ARSG: variants seen among roughly 807,000 people sequenced by gnomAD.
ARSG encodes the protein arylsulfatase G.
ARSG carries 37 observed loss-of-function variants against 50.5 expected under a neutral mutation model. The observed-to-expected ratio is 0.73, with a 90% CI of 0.56 to 0.96. The LOEUF (loss-of-function observed/expected upper bound fraction) is 0.96, where lower values mean the gene tolerates loss of function less well. ARSG is among the 50% of genes least tolerant of loss of function. The pLI, the probability that ARSG is intolerant of heterozygous loss-of-function variation, is 0.00. For synonymous variants in ARSG, 225 were observed against 254.6 expected (o/e 0.88, Z 1.11); for missense variants, 629 against 675.3 (o/e 0.93, Z 0.76).
the ARSG span, among the ~76,000 whole-genome samples, chr17:68,451,087 C>T: frequency 1.3e-5 from 2 of 152,214 alleles, no homozygotes; most frequent in African/African-American, 4.8e-5. Context: ...GGCTTTTTAC[C>T]CTCTCCCAGG....
intron 2 of ARSG, among the ~76,000 whole-genome samples, chr17:68,320,512 C>T (rs1181429162): frequency 6.6e-6 from 1 of 152,174 alleles, no homozygotes; most frequent in Admixed American, 6.5e-5. Context: ...GTGCTGGGAA[C>T]ACAGCTGTGA....
rs2079150500 is a variant in ARSG, at chr17:68,358,805, T to C, written c.704+2001T>C. Among the ~76,000 whole-genome samples, 3 of 152,118 alleles carry C rather than the reference T, an allele frequency of 2.0e-5. No individual in the cohort carries two copies. In the South Asian group the frequency reaches 6.2e-4, roughly 32 times the overall value. Reference sequence around the variant, plus strand: ...TCACTTGAGTCCAGGAGTTCAAGGCTGCAGTGAGCCATAATGGTGCCACCG... The same window carrying C: ...TCACTTGAGTCCAGGAGTTCAAGGCCGCAGTGAGCCATAATGGTGCCACCG... On this transcript the variant is annotated intron_variant, in intron 6 of 11. Transcript: ENST00000621439.
intron 2 of ARSG, among the ~76,000 whole-genome samples, chr17:68,337,430 A>G (rs1352785460): frequency 6.6e-6 from 1 of 152,060 alleles, no homozygotes; most frequent in Non-Finnish European, 1.5e-5. Flanking sequence ...AGATGTGGAC[A>G]AAAGAAGACA....
chr17:68,419,678 G>C (rs1471358440), intron 11 of ARSG, among the ~76,000 whole-genome samples: 1 of 152,086 alleles, frequency 6.6e-6, no homozygotes, highest in East Asian at 1.9e-4. Context: ...AATCATTTTA[G>C]TGTGGCTGCA....
At chr17:68,397,365 A>G (rs568205192) in intron 10 of ARSG, among the ~76,000 whole-genome samples, 1 of 152,292 alleles carries the variant, frequency 6.6e-6, no homozygotes, top group South Asian at 2.1e-4. Flanking sequence ...GGTATCTTCA[A>G]GGTTAAGAGC....
intron 1 of ARSG, chr17:68,267,490 C>T (rs1741958935): frequency 6.6e-6 from 1 of 152,158 alleles, no homozygotes; most frequent in African/African-American, 2.4e-5. Flanking sequence ...ATGAACTATG[C>T]CACTTTCATT....
intron 2 of ARSG, among the ~76,000 whole-genome samples, chr17:68,309,751 C>T (rs1180818061): frequency 6.6e-5 from 10 of 151,290 alleles, no homozygotes; most frequent in East Asian, 2.0e-4. Flanking sequence ...CCCAGCTACT[C>T]GGGAGGCTGA....
intron 2 of ARSG, among the ~76,000 whole-genome samples, chr17:68,315,696 G>A (rs898118799): frequency 2.0e-5 from 3 of 152,170 alleles, no homozygotes; most frequent in East Asian, 1.9e-4. Flanking sequence ...GCAGTGGCGC[G>A]ATCTTGGCTC....
intron 4 of ARSG, 103 bp from the exon 5 acceptor site, chr17:68,351,472 C>T: frequency 2.9e-6 from 2 of 694,836 alleles, no homozygotes; most frequent in East Asian, 2.6e-5. Flanking sequence ...TATAGCACTG[C>T]AGTATTAAAT....
At chr17:68,352,677 T>C (rs565275423) in intron 5 of ARSG, among the ~76,000 whole-genome samples, 5 of 152,172 alleles carry the variant, frequency 3.3e-5, no homozygotes, top group Admixed American at 2.0e-4. Flanking sequence ...ACCAGGCTAA[T>C]TTTTGTATTT....
At chr17:68,370,367 A>G (rs2094115930) in intron 7 of ARSG, 77 bp from the exon 8 acceptor site, 1 of 1,316,250 alleles carries the variant, frequency 7.6e-7, no homozygotes, top group South Asian at 1.2e-5. Context: ...TGCGCAAGGG[A>G]TATAGGGCCA....
chr17:68,307,483 C>T lies in ARSG; in HGVS notation c.-11C>T, dbSNP rs868952261. On this transcript the variant is annotated 5_prime_UTR_variant, in exon 2 of 12. Coordinates refer to ENST00000621439, the MANE Select transcript of ARSG (RefSeq NM_001267727.2). ...GTCGCTCCAGACAATCGGAATCCTG[C>T]CTTCACCACCATGGGCTGGCTTTTT... The T allele has an allele frequency of 1.7e-5, 28 of 1,607,916 alleles. No individual in the cohort carries two copies. The Middle Eastern group carries it at 4.1e-3, about 238-fold the overall frequency.
At chr17:68,422,600 A>G (rs1324317103), downstream of ARSG, 1 of 151,760 alleles carries the variant, frequency 6.6e-6, no homozygotes, top group East Asian at 1.9e-4. Flanking sequence ...GCATGGTAGC[A>G]TGCCTGAAAC....
chr17:68,391,716 C>T (rs2081000717), intron 9 of ARSG, among the ~76,000 whole-genome samples: 1 of 152,140 alleles, frequency 6.6e-6, no homozygotes, highest in Non-Finnish European at 1.5e-5. Context: ...CTTTGCTTTC[C>T]GGTATGTGGC....
At chr17:68,370,421 T>C in intron 7 of ARSG, 23 bp from the exon 8 acceptor site, 1 of 1,612,778 alleles carries the variant, frequency 6.2e-7, no homozygotes, top group Non-Finnish European at 8.5e-7. Context: ...CTGGTGACCA[T>C]TAATGCTTTT....
At chr17:68,388,312 G>C (rs936429362) in intron 9 of ARSG, among the ~76,000 whole-genome samples, 1 of 152,138 alleles carries the variant, frequency 6.6e-6, no homozygotes, top group South Asian at 2.1e-4. Flanking sequence ...TGTCCTGTGC[G>C]CTTTATAGGA....
intron 1 of ARSG, among the ~76,000 whole-genome samples, chr17:68,261,571 G>T (rs1568395142): frequency 2.0e-5 from 3 of 152,040 alleles, no homozygotes; most frequent in African/African-American, 7.3e-5. Flanking sequence ...GTAGAGAGGG[G>T]TTTTACCATG....
rs1403620199 is a variant in ARSG, at chr17:68,331,281, T to G, written c.219-12323T>G. ...TCTTTCTTTTTTTGAGACAGAGTCT[T>G]GCTCTGTCACCCAGACTGGAGTGTA... On this transcript the variant is annotated intron_variant, in intron 2 of 11. Transcript: ENST00000621439. Among the ~76,000 whole-genome samples, 3 of 145,348 alleles carry G rather than the reference T, an allele frequency of 2.1e-5. No individual in the cohort carries two copies. The Admixed American group carries it at 2.1e-4, about 10-fold the overall frequency.
intron 5 of ARSG, among the ~76,000 whole-genome samples, chr17:68,351,971 GC>G (rs1354532029): frequency 6.6e-6 from 1 of 152,076 alleles, no homozygotes; most frequent in African/African-American, 2.4e-5. Flanking sequence ...CACATGTGGG[GC>G]CTCCCTCCTC....
Sources: gnomAD v4.1 joint callset for allele counts (sites outside exome capture counted in the v4.1 genomes callset) on GRCh38, gnomAD v4.1.1 for gene constraint, MANE v1.5 for transcripts, NCBI Gene and HGNC (gene_info 2026-07-23, HGNC 2026-07-21) for gene names.